The following SLC7A1 variants were observed in gnomAD, a reference collection of about 807,000 sequenced individuals.
SLC7A1 encodes the protein solute carrier family 7 member 1, also known as high affinity cationic amino acid transporter 1.
SLC7A1 carries 10 observed loss-of-function variants against 53.9 expected under a neutral mutation model. That is an observed-to-expected ratio of 0.19 (90% CI 0.11 to 0.31). The LOEUF (loss-of-function observed/expected upper bound fraction) is 0.31. Ranked by LOEUF, SLC7A1 falls within the 10% of genes least tolerant of loss-of-function variation. SLC7A1 has a pLI of 1.00. For synonymous variants in SLC7A1, 342 were observed against 338.7 expected, an observed-to-expected ratio of 1.01 and a Z score of -0.11; for missense variants, 525 against 827.2, an observed-to-expected ratio of 0.63 and a Z score of 4.48.
chr13:29,588,761 T>TCCC (rs1871990816), intron 1 of SLC7A1, among the ~76,000 whole-genome samples: 1 of 152,130 alleles, frequency 6.6e-6, no homozygotes, highest in South Asian at 2.1e-4. Flanking sequence ...TGCCTCAGCC[T>TCCC]CCCAAAGTGC....
chr13:29,531,482 T>G (rs1869159622), intron 4 of SLC7A1, among the ~76,000 whole-genome samples: 1 of 152,230 alleles, frequency 6.6e-6, no homozygotes, highest in Admixed American at 6.5e-5. Flanking sequence ...AAGGGGTTGG[T>G]ACCACTCGAA....
intron 2 of SLC7A1, among the ~76,000 whole-genome samples, chr13:29,536,780 A>G (rs1869439711): frequency 6.6e-6 from 1 of 152,246 alleles, no homozygotes; most frequent in Non-Finnish European, 1.5e-5. Context: ...CGAAGCAGAA[A>G]AATGTTGAGT....
At chr13:29,524,104 C>T (rs774386696) in intron 6 of SLC7A1, 28 bp downstream of exon 6, 236 of 1,611,520 alleles carry the variant, frequency 1.5e-4, no homozygotes, top group Non-Finnish European at 2.0e-4. Context: ...GCAGGAGGAC[C>T]CGGGACCGCA....
chr13:29,566,378 T>C (rs1870967896), intron 1 of SLC7A1, among the ~76,000 whole-genome samples: 1 of 152,158 alleles, frequency 6.6e-6, no homozygotes, highest in Non-Finnish European at 1.5e-5. Flanking sequence ...AACCCAAACG[T>C]CCATCGACTG....
chr13:29,530,684 C>T lies in SLC7A1; in HGVS notation c.558G>A (p.Ser186=), dbSNP rs774998779. ...AAGTGAATATTTTGTTGACCATGGCCGACTCTTTCACACCAAGAGTTAAAA... is the reference window on the plus strand; with the variant it reads ...AAGTGAATATTTTGTTGACCATGGCTGACTCTTTCACACCAAGAGTTAAAA... ...TGLLTLGVKE[S]AMVNKIFTCI... is the part of the protein sequence containing the mutation. Residue 186 remains serine (S), a synonymous_variant, in exon 5 of 13, where the codon TCG becomes TCA. Transcript: ENST00000380752. 1.1e-5 allele frequency: 17 copies of T among 1,614,010 alleles called. No homozygotes were observed. The highest frequency in any genetic ancestry group is 4.5e-5 in the East Asian group (2 of 44,878).
intron 5 of SLC7A1, among the ~76,000 whole-genome samples, chr13:29,527,024 C>A (rs983459153): frequency 1.3e-5 from 2 of 151,620 alleles, no homozygotes; most frequent in African/African-American, 4.9e-5. Flanking sequence ...TCAGGAGGAC[C>A]CGGGTGCCGG....
At chr13:29,518,928 C>T (rs975997044) in intron 9 of SLC7A1, among the ~76,000 whole-genome samples, 10 of 152,050 alleles carry the variant, frequency 6.6e-5, no homozygotes, top group Non-Finnish European at 1.0e-4. Context: ...TGGCCCCCAC[C>T]AGGCTATAAC....
chr13:29,584,463 A>G (rs571972457), intron 1 of SLC7A1, among the ~76,000 whole-genome samples: 64 of 152,294 alleles, frequency 4.2e-4, no homozygotes, highest in African/African-American at 1.4e-3. Flanking sequence ...TGTAACTTCT[A>G]TATGAATTTT....
intron 1 of SLC7A1, among the ~76,000 whole-genome samples, chr13:29,585,004 T>A (rs1019672650): frequency 7.9e-5 from 12 of 152,162 alleles, no homozygotes; most frequent in African/African-American, 2.2e-4. Context: ...TATGGCCCAT[T>A]TCTAAAAACT....
chr13:29,536,390 C>T (rs1307166618), intron 2 of SLC7A1, among the ~76,000 whole-genome samples, 188 bp from the exon 3 acceptor site: 1 of 152,228 alleles, frequency 6.6e-6, no homozygotes, highest in Non-Finnish European at 1.5e-5. Flanking sequence ...TTCACCAGCA[C>T]ATACAGAATT....
intron 2 of SLC7A1, among the ~76,000 whole-genome samples, chr13:29,538,226 G>A (rs780398632): frequency 2.1e-4 from 32 of 152,146 alleles, no homozygotes; most frequent in Non-Finnish European, 3.4e-4. Context: ...TCCTCCTCTG[G>A]AGTTCCGGCA....
intron 1 of SLC7A1, among the ~76,000 whole-genome samples, chr13:29,562,450 C>T (rs1249511690): frequency 5.3e-5 from 8 of 152,154 alleles, no homozygotes; most frequent in African/African-American, 9.7e-5. Flanking sequence ...AGGAAACGCT[C>T]GCTGGAGCAT....
At chr13:29,520,111 T>C (rs888871530) in intron 8 of SLC7A1, among the ~76,000 whole-genome samples, 18 of 152,082 alleles carry the variant, frequency 1.2e-4, no homozygotes, top group Admixed American at 5.2e-4. Context: ...CCATCTCCCA[T>C]CCATCTCATC....
intron 1 of SLC7A1, among the ~76,000 whole-genome samples, chr13:29,577,574 A>T (rs1871461228): frequency 6.6e-6 from 1 of 152,194 alleles, no homozygotes; most frequent in African/African-American, 2.4e-5. Flanking sequence ...TGTCTCCAAG[A>T]GAGTTGTGTC....
intron 5 of SLC7A1, among the ~76,000 whole-genome samples, chr13:29,527,880 AATT>A (rs1469809848): frequency 6.6e-6 from 1 of 152,236 alleles, no homozygotes; most frequent in African/African-American, 2.4e-5. Flanking sequence ...TGGAAACTTT[AATT>A]ATTTCAGCTG....
At chr13:29,522,501 G>T in intron 7 of SLC7A1, 45 bp from the exon 8 acceptor site, 1 of 1,609,486 alleles carries the variant, frequency 6.2e-7, no homozygotes, top group Non-Finnish European at 8.5e-7. Flanking sequence ...TGGCTCATAA[G>T]GGATAAAGGC....
At chr13:29,525,208 C>CA (rs1191770112) in intron 5 of SLC7A1, among the ~76,000 whole-genome samples, 4 of 152,230 alleles carry the variant, frequency 2.6e-5, no homozygotes, top group Non-Finnish European at 4.4e-5. Context: ...CCTCTGCTGC[C>CA]ACCCGAAAAG....
intron 2 of SLC7A1, among the ~76,000 whole-genome samples, chr13:29,542,971 A>G (rs923591656): frequency 1.3e-5 from 2 of 152,204 alleles, no homozygotes; most frequent in African/African-American, 2.4e-5. Context: ...GGCTGACTCC[A>G]GGCAGCTAGT....
At chr13:29,534,428 T>C (rs186405069) in intron 3 of SLC7A1, among the ~76,000 whole-genome samples, 1 of 152,342 alleles carries the variant, frequency 6.6e-6, no homozygotes, top group East Asian at 1.9e-4. Flanking sequence ...GACTTCAGCT[T>C]GTGAGAACCA....
Sources: allele counts gnomAD v4.1 joint callset (sites outside exome capture counted in the v4.1 genomes callset), GRCh38; gene constraint gnomAD v4.1.1; transcripts MANE v1.5; gene names NCBI Gene and HGNC (gene_info 2026-07-23, HGNC 2026-07-21).